RASA1: variants seen among roughly 807,000 people sequenced by gnomAD.
RASA1 encodes RAS p21 protein activator 1.
In RASA1, 25 loss-of-function variants were observed where a neutral mutation model predicts 132.2. The ratio of observed to expected loss-of-function variants is 0.19; its 90% CI spans 0.14 to 0.26. RASA1 has a LOEUF of 0.26. Ranked by LOEUF, RASA1 falls within the 10% of genes least tolerant of loss-of-function variation. The probability of loss-of-function intolerance (pLI) is 1.00; values close to 1 mark genes in which losing one functional copy is unlikely to be tolerated. For missense variants in RASA1, 964 were observed against 1,299.2 expected (o/e 0.74, Z 3.97); for synonymous variants, 477 against 449.9 (o/e 1.06, Z -0.76).
intron 1 of RASA1, among the ~76,000 whole-genome samples, chr5:87,325,017 A>G (rs1470340912): frequency 6.6e-6 from 1 of 152,092 alleles, no homozygotes; most frequent in African/African-American, 2.4e-5. Flanking sequence ...ACAAAGACAA[A>G]CCCGAGATGG....
intron 12 of RASA1, among the ~76,000 whole-genome samples, chr5:87,371,613 T>C (rs1471147445): frequency 2.0e-5 from 3 of 152,254 alleles, no homozygotes; most frequent in Non-Finnish European, 4.4e-5. Flanking sequence ...AATCCCCTTA[T>C]ACATTTCTAC....
At chr5:87,331,053 T>A in intron 1 of RASA1, 1 of 1,230,932 alleles carries the variant, frequency 8.1e-7, no homozygotes, top group East Asian at 2.6e-5. Context: ...GCAGTAGTGT[T>A]TATATTTTGA....
At chr5:87,295,858 C>G (rs1271722646) in intron 1 of RASA1, among the ~76,000 whole-genome samples, 1 of 150,606 alleles carries the variant, frequency 6.6e-6, no homozygotes, top group African/African-American at 2.4e-5. Flanking sequence ...GCTCTGTCAT[C>G]CAGGCTGGAA....
At chr5:87,389,260 G>A (rs1762288726) in intron 23 of RASA1, 133 bp from the exon 24 acceptor site, 1 of 1,123,546 alleles carries the variant, frequency 8.9e-7, no homozygotes. Context: ...GAACCCGGGA[G>A]GCGGAGGTTG....
At chr5:87,274,541 A>G (rs1029372608) in intron 1 of RASA1, among the ~76,000 whole-genome samples, 1 of 152,154 alleles carries the variant, frequency 6.6e-6, no homozygotes, top group African/African-American at 2.4e-5. Flanking sequence ...TAGCAGAGAA[A>G]TATAGTAGGT....
chr5:87,306,858 C>T (rs555078275), intron 1 of RASA1, among the ~76,000 whole-genome samples: 14 of 151,974 alleles, frequency 9.2e-5, no homozygotes, highest in Non-Finnish European at 1.9e-4. Flanking sequence ...GCGTACCCTC[C>T]GCCACCTCCC....
intron 1 of RASA1, among the ~76,000 whole-genome samples, chr5:87,302,301 G>A (rs532059676): frequency 6.6e-6 from 1 of 151,990 alleles, no homozygotes; most frequent in African/African-American, 2.4e-5. Context: ...ATGACTAATG[G>A]AAGTGTGTAT....
intron 4 of RASA1, among the ~76,000 whole-genome samples, chr5:87,335,432 T>G (rs905135274): frequency 4.8e-5 from 7 of 144,336 alleles, no homozygotes; most frequent in African/African-American, 1.6e-4. Context: ...TTTTTTTTTT[T>G]TTTTTTTTTT....
intron 6 of RASA1, among the ~76,000 whole-genome samples, chr5:87,346,200 C>G (rs914130168): frequency 4.6e-5 from 7 of 151,958 alleles, no homozygotes; most frequent in Non-Finnish European, 1.0e-4. Context: ...ATTCTTATCA[C>G]CCAATCTTAT....
rs963845427 is a variant in RASA1, at chr5:87,268,229, G to C, written c.-223G>C. The stretch of plus-strand genomic sequence containing the variant: ...TTTGGGTGGCGTTTGTGCAGGCGTT[G>C]GGTTTTTTGCCCACTTGGCTTCCCG... On this transcript the variant is annotated 5_prime_UTR_variant, in exon 1 of 25. Transcript: ENST00000274376. 1 of 614,556 alleles carries C rather than the reference G, an allele frequency of 1.6e-6. No individual in the cohort carries two copies. Among genetic ancestry groups the C allele is most frequent in the Non-Finnish European group, 2.8e-6 (1 of 361,588 alleles). 38.1% of individuals were successfully genotyped at this position (614,556 alleles called of 1,614,324 possible).
chr5:87,378,357 T>C (rs916554347), intron 17 of RASA1, 39 bp from the exon 18 acceptor site: 1 of 1,605,768 alleles, frequency 6.2e-7, no homozygotes, highest in Admixed American at 1.7e-5. Context: ...ATTAGGTCAG[T>C]CCTTTACAAA....
chr5:87,346,739 A>T lies in RASA1; in HGVS notation c.1102+15A>T. 1 of 1,521,206 alleles carries T rather than the reference A, an allele frequency of 6.6e-7. No homozygotes were observed. The allele number at this position is 1,521,206 out of a possible 1,614,324, so 94.2% of individuals were successfully genotyped here. A position where few individuals can be genotyped will look rare whatever the true frequency, so the allele number is the denominator to read the frequency against. On this transcript the variant is annotated intron_variant, in intron 7 of 24. Coordinates refer to ENST00000274376, the MANE Select transcript of RASA1 (RefSeq NM_002890.3). ...ACTAATGACAGGTACTTACATATTT[A>T]CTTGCTTTTCTAATGTCTATTTAAA...
chr5:87,272,539 GT>G (rs1032209831), intron 1 of RASA1, among the ~76,000 whole-genome samples: 55 of 141,308 alleles, frequency 3.9e-4, no homozygotes, highest in Admixed American at 5.7e-4. Flanking sequence ...TCATATGATT[GT>G]TTTTTTTTTT....
intron 5 of RASA1, 68 bp downstream of exon 5, chr5:87,338,159 A>G: frequency 6.3e-7 from 1 of 1,597,404 alleles, no homozygotes; most frequent in Middle Eastern, 1.7e-4. Context: ...CTTGTCCGTA[A>G]TCAGAGAAAG....
chr5:87,287,465 T>TAC (rs1286251167), intron 1 of RASA1, among the ~76,000 whole-genome samples: 1 of 146,490 alleles, frequency 6.8e-6, no homozygotes, highest in Admixed American at 6.8e-5. Flanking sequence ...ACCATATATA[T>TAC]ACACACCATA....
intron 23 of RASA1, among the ~76,000 whole-genome samples, chr5:87,388,168 T>A (rs1217009370): frequency 6.6e-6 from 1 of 152,208 alleles, no homozygotes; most frequent in African/African-American, 2.4e-5. Context: ...TCCTTTCTAC[T>A]GGAGTCAGTT....
rs951608092 is a variant in RASA1 at position 87,363,625 on chromosome 5, A to G, written c.1610+121A>G. 4.3e-6 allele frequency: 5 copies of G among 1,168,390 alleles called. No individual in the cohort carries two copies. In the African/African-American group the frequency reaches 7.7e-5, roughly 18 times the overall value. The allele number at this position is 1,168,390 out of a possible 1,614,324, so 72.4% of individuals were successfully genotyped here. ...TCTAAAAGTAGCAGATGCACTTTCTAGGTAATTTTTGCCTTCCTTGCTTAA... is the reference window on the plus strand; with the variant it reads ...TCTAAAAGTAGCAGATGCACTTTCTGGGTAATTTTTGCCTTCCTTGCTTAA... On this transcript the variant is annotated intron_variant, in intron 11 of 24. Transcript: ENST00000274376.
chr5:87,287,622 A>G (rs1363127283), intron 1 of RASA1, among the ~76,000 whole-genome samples: 1 of 149,304 alleles, frequency 6.7e-6, no homozygotes, highest in Non-Finnish European at 1.5e-5. Flanking sequence ...TATACCATAC[A>G]TATACACGCC....
intron 1 of RASA1, among the ~76,000 whole-genome samples, chr5:87,276,420 A>G (rs1754063546): frequency 2.0e-5 from 3 of 152,316 alleles, no homozygotes; most frequent in Admixed American, 6.5e-5. Context: ...ATTGATAACT[A>G]TGTATGTCTT....
Sources: gnomAD v4.1 joint callset for allele counts (sites outside exome capture counted in the v4.1 genomes callset) on GRCh38, gnomAD v4.1.1 for gene constraint, MANE v1.5 for transcripts, NCBI Gene and HGNC (gene_info 2026-07-23, HGNC 2026-07-21) for gene names.